Variants in HSPG2 observed in about 807,000 individuals in gnomAD.
HSPG2 encodes basement membrane-specific heparan sulfate proteoglycan core protein.
Under a neutral mutation model 526.6 loss-of-function variants are expected in HSPG2, and 278 were observed. The observed-to-expected ratio is 0.53, with a 90% CI of 0.48 to 0.58. The LOEUF is 0.58. Among genes scored for constraint, HSPG2 ranks in the 20% least tolerant of loss-of-function variants. HSPG2 has a pLI of 0.00. For synonymous variants in HSPG2, 2,465 were observed against 2,555.4 expected (o/e 0.96, Z 1.07); for missense variants, 5,354 against 6,099.5 (o/e 0.88, Z 4.07).
At chr1:21,869,043 G>C (rs1032414869) in intron 33 of HSPG2, 1 of 309,970 alleles carries the variant, frequency 3.2e-6, no homozygotes, top group South Asian at 1.3e-4. Context: ...GGTTCCGGCA[G>C]GGGTGGACCG....
chr1:21,890,314 G>A lies in HSPG2; in HGVS notation c.413+113C>T. On this transcript the variant is annotated intron_variant, in intron 5 of 96. Coordinates refer to ENST00000374695, the MANE Select transcript of HSPG2 (RefSeq NM_005529.7). The surrounding 1 kb of genome is among the most constrained non-coding windows in gnomAD (Gnocchi z 4.1). ...ACCAATTCCTGAATTTCCACCCACA[G>A]CGACTCATCCCATAGGCCTTTCCGC... 7.8e-7 allele frequency: 1 copy of A among 1,285,442 alleles called. No individual in the cohort carries two copies. The highest frequency in any genetic ancestry group is 1.1e-6 in the Non-Finnish European group (1 of 886,582). The allele number at this position is 1,285,442 out of a possible 1,614,324, so 79.6% of individuals were successfully genotyped here. A position where few individuals can be genotyped will look rare whatever the true frequency, so the allele number is the denominator to read the frequency against.
At chr1:21,830,745 C>T (rs1197440433) in intron 85 of HSPG2, 6 of 337,514 alleles carry the variant, frequency 1.8e-5, no homozygotes, top group Admixed American at 5.0e-5. Flanking sequence ...GCCTGGGTGG[C>T]GGGGTAGTGG....
At chr1:21,897,060 G>C (rs1642805205) in intron 1 of HSPG2, among the ~76,000 whole-genome samples, 1 of 152,218 alleles carries the variant, frequency 6.6e-6, no homozygotes, top group Non-Finnish European at 1.5e-5. Flanking sequence ...ATGTGGGCCG[G>C]AGCAGAAGGG....
chr1:21,830,174 C>T (rs1259974514), intron 85 of HSPG2, 83 bp from the exon 86 acceptor site: 15 of 1,129,502 alleles, frequency 1.3e-5, no homozygotes, highest in Non-Finnish European at 1.9e-5. Flanking sequence ...CTGCCCATCA[C>T]ACCCCGGGGG....
intron 9 of HSPG2, 55 bp from the exon 10 acceptor site, chr1:21,885,506 C>T (rs565138574): frequency 1.3e-5 from 21 of 1,598,892 alleles, no homozygotes; most frequent in Non-Finnish European, 1.7e-5. Context: ...CCTCCCTGGG[C>T]ATCCCCAGGG....
intron 40 of HSPG2, 49 bp from the exon 41 acceptor site, chr1:21,860,051 T>C (rs757336198): frequency 7.5e-5 from 121 of 1,603,080 alleles, no homozygotes; most frequent in Non-Finnish European, 1.0e-4. Flanking sequence ...TTGTCTTCAA[T>C]ATCTCTGCTC....
At chr1:21,855,082 C>G (rs1639229654) in intron 47 of HSPG2, 99 bp from the exon 48 acceptor site, 1 of 1,479,174 alleles carries the variant, frequency 6.8e-7, no homozygotes, top group African/African-American at 1.4e-5. Context: ...GGTGCAGGGC[C>G]AATATTAGGG....
chr1:21,852,680 T>C lies in HSPG2; in HGVS notation c.6724+20A>G. The stretch of plus-strand genomic sequence containing the variant: ...CCTCTCTGCCTCCTCCAGCTTTCCA[T>C]GTCACTGGGAGTCACTCACCAGGGA... On this transcript the variant is annotated intron_variant, in intron 52 of 96. Coordinates refer to ENST00000374695, the MANE Select transcript of HSPG2 (RefSeq NM_005529.7). The C allele has an allele frequency of 6.2e-7, 1 of 1,612,984 alleles. No individual in the cohort carries two copies. Among genetic ancestry groups the C allele is most frequent in the Admixed American group, 1.7e-5 (1 of 60,030 alleles).
In HSPG2 at chr1:21,834,775, T is replaced by C; in HGVS notation, c.10624A>G (p.Ile3542Val). 5.0e-6 allele frequency: 8 copies of C among 1,614,140 alleles called. No homozygotes were observed. Among genetic ancestry groups the C allele is most frequent in the Non-Finnish European group, 5.9e-6 (7 of 1,180,004 alleles). The change falls in exon 77 of 97, where the codon ATC becomes GTC. Residue 3542 changes from isoleucine (I) to valine (V), a missense_variant. Ile to Val is a conservative substitution (Grantham distance 29, BLOSUM62 3). Coordinates refer to ENST00000374695, the MANE Select transcript of HSPG2 (RefSeq NM_005529.7). ...GIVQSGGVVR[I>V]AHVELADAGQ... ...GCATCAGCCAGCTCTACGTGGGCGA[T>C]CCTGACGACACCTCCGCTCTGCACA...
intron 1 of HSPG2, chr1:21,908,640 T>G (rs36040501): frequency 1.6e-6 from 1 of 609,382 alleles, no homozygotes; most frequent in Non-Finnish European, 2.9e-6. Flanking sequence ...GTGTTTGCTG[T>G]GATTATCTTT....
At position 21,838,906 on chromosome 1, in the gene HSPG2, G is replaced by A. The variant is rs759825090; in HGVS notation, c.10069C>T (p.Pro3357Ser). 7 of 1,612,290 alleles carry A rather than the reference G, an allele frequency of 4.3e-6. No individual in the cohort carries two copies. Among genetic ancestry groups the A allele is most frequent in the Non-Finnish European group, 5.9e-6 (7 of 1,179,322 alleles). Residue 3357 changes from proline to serine, a missense_variant, in exon 74 of 97, where the codon CCT becomes TCT. Physicochemically the swap from Pro to Ser is moderately conservative, Grantham distance 74 (BLOSUM62 -1). Coordinates refer to ENST00000374695, the MANE Select transcript of HSPG2 (RefSeq NM_005529.7). ...NELLHFERAA[P>S]EDSGRYRCRV... ...CAGCGGTAGCGGCCTGAGTCCTCAG[G>A]GGCTGCACGCTCAAAGTGCAGCAGC...
intron 68 of HSPG2, 41 bp downstream of exon 68, chr1:21,842,198 C>G (rs374902566): frequency 6.2e-7 from 1 of 1,612,606 alleles, no homozygotes; most frequent in East Asian, 2.2e-5. Context: ...AGCTTCAGGG[C>G]CCTCCCTTCC....
At chr1:21,921,797 TTG>T (rs1383086078) in intron 1 of HSPG2, among the ~76,000 whole-genome samples, 5 of 152,182 alleles carry the variant, frequency 3.3e-5, no homozygotes, top group African/African-American at 1.2e-4. Context: ...GAGGGAAAGC[TTG>T]GACCACCAGC....
At chr1:21,857,498 G>T in intron 42 of HSPG2, 113 bp from the exon 43 acceptor site, 1 of 956,906 alleles carries the variant, frequency 1.0e-6, no homozygotes, top group Non-Finnish European at 1.6e-6. Context: ...GTCCAGCCTA[G>T]CTCTCATTCT....
Position 21,874,399 on chromosome 1 carries a change from G to A in HSPG2, c.3656+7C>T, listed in dbSNP as rs752605572. Reference sequence around the variant, plus strand: ...GAAGGGCAGGTGCAGGCAGGGACTGGACGCACTGGCCGGCAGCAGGGTCTC... The same window carrying A: ...GAAGGGCAGGTGCAGGCAGGGACTGAACGCACTGGCCGGCAGCAGGGTCTC... On this transcript the variant is annotated splice_region_variant and intron_variant, in intron 28 of 96. Coordinates refer to ENST00000374695, the MANE Select transcript of HSPG2 (RefSeq NM_005529.7). The A allele has an allele frequency of 6.2e-7, 1 of 1,611,318 alleles. No homozygotes were observed. The highest frequency in any genetic ancestry group is 2.2e-5 in the East Asian group (1 of 44,862).
intron 1 of HSPG2, among the ~76,000 whole-genome samples, chr1:21,926,002 G>C (rs928355426): frequency 6.6e-6 from 1 of 151,900 alleles, no homozygotes; most frequent in Admixed American, 6.6e-5. Context: ...GCTAATTTTT[G>C]TATTTTCAGT....
At position 21,874,000 on chromosome 1, in the gene HSPG2, G is replaced by C; in HGVS notation, c.3668C>G (p.Thr1223Ser). ...GTGGCCGTCTGTGTCCAGAAAACAA[G>C]TGTGGGCAGCCCTGAGTGTGGGGGC... ...GDPAAGQAAH[T>S]CFLDTDGHPT... Residue 1223 changes from threonine to serine, a missense_variant, in exon 29 of 97, where the codon ACT (threonine) becomes AGT (serine). Coordinates refer to ENST00000374695, the MANE Select transcript of HSPG2 (RefSeq NM_005529.7). 6.2e-7 allele frequency: 1 copy of C among 1,604,568 alleles called. No homozygotes were observed. Among genetic ancestry groups the C allele is most frequent in the Non-Finnish European group, 8.5e-7 (1 of 1,175,308 alleles).
chr1:21,863,070 A>AAAAAAAC (rs1557740527), intron 37 of HSPG2, among the ~76,000 whole-genome samples: 2 of 134,130 alleles, frequency 1.5e-5, no homozygotes, highest in Non-Finnish European at 3.2e-5. Context: ...CAAAAAAAAA[A>AAAAAAAC]AAAAAAAAAA....
rs1476538646 is a variant in HSPG2, at chr1:21,823,433, T to C, written c.13059A>G (p.Thr4353=). Residue 4353 remains threonine, a synonymous_variant, in exon 97 of 97, where the codon ACA becomes ACG. Coordinates refer to ENST00000374695, the MANE Select transcript of HSPG2 (RefSeq NM_005529.7). ...GCAGCACCAGGTTCTTGACACAGCC[T>C]GTGATGCCTGAGGAGAATCTGCCCC... ...LTGGRFSSGI[T]GCVKNLVLHS... is the part of the protein sequence containing the mutation. 1.3e-6 allele frequency: 2 copies of C among 1,590,174 alleles called. No homozygotes were observed. The highest frequency in any genetic ancestry group is 1.7e-6 in the Non-Finnish European group (2 of 1,172,882).
Sources: gnomAD v4.1 joint callset for allele counts (sites outside exome capture counted in the v4.1 genomes callset) on GRCh38, gnomAD v4.1.1 for gene constraint, Gnocchi (gnomAD v3.1) non-coding constraint, MANE v1.5 for transcripts, NCBI Gene and HGNC (gene_info 2026-07-23, HGNC 2026-07-21) for gene names.